USP13: variants seen among roughly 807,000 people sequenced by gnomAD.
USP13 encodes the protein ubiquitin specific peptidase 13, also known as ubiquitin carboxyl-terminal hydrolase 13.
Under a neutral mutation model 107.8 loss-of-function variants are expected in USP13, and 68 were observed. That is an observed-to-expected ratio of 0.63 (90% CI 0.52 to 0.77). The LOEUF (loss-of-function observed/expected upper bound fraction) is 0.77. Ranked by LOEUF, USP13 falls within the 30% of genes least tolerant of loss-of-function variation. USP13 has a pLI of 0.00. For synonymous variants in USP13, 377 were observed against 389.5 expected, an observed-to-expected ratio of 0.97 and a Z score of 0.38; for missense variants, 945 against 1,093.3, an observed-to-expected ratio of 0.86 and a Z score of 1.91.
chr3:179,769,739 A>G (rs1263789576), intron 19 of USP13, among the ~76,000 whole-genome samples: 3 of 152,168 alleles, frequency 2.0e-5, no homozygotes, highest in Admixed American at 6.5e-5. Context: ...GATGAATTCA[A>G]TTCACAGAAG....
At chr3:179,715,191 C>G (rs558199110) in intron 6 of USP13, among the ~76,000 whole-genome samples, 48 of 149,342 alleles carry the variant, frequency 3.2e-4, no homozygotes, top group African/African-American at 1.2e-3. Context: ...CCTGTTCTCT[C>G]TCTCTATTTT....
rs1720152752 is a variant in USP13, at chr3:179,653,514, T to C, written c.168+121T>C. The stretch of plus-strand genomic sequence containing the variant: ...TCTTCCTCCGGGCGGCAGAGTTGGC[T>C]CAGGAACACTGCAGTTCGGCAGACA... On this transcript the variant is annotated intron_variant, in intron 1 of 20. Coordinates refer to ENST00000263966, the MANE Select transcript of USP13 (RefSeq NM_003940.3). The surrounding 1 kb of genome is among the most constrained non-coding windows in gnomAD (Gnocchi z 4.0). The C allele has an allele frequency of 7.4e-7, 1 of 1,348,792 alleles. No homozygotes were observed. 83.6% of individuals were successfully genotyped at this position (1,348,792 alleles called of 1,614,324 possible).
rs1184226624 is a variant in USP13 at position 179,742,986 on chromosome 3, G to A, written c.1534+636G>A. Among the ~76,000 whole-genome samples the A allele has an allele frequency of 2.0e-5, 3 of 152,124 alleles. No individual in the cohort carries two copies. Among genetic ancestry groups the A allele is most frequent in the Non-Finnish European group, 2.9e-5 (2 of 68,010 alleles). The stretch of plus-strand genomic sequence containing the variant: ...AATGGCATTTCTTCGAATTAACATC[G>A]TAGAAGCAAAAAAGACAAAATAGCT... On this transcript the variant is annotated intron_variant, in intron 12 of 20. Coordinates refer to ENST00000263966, the MANE Select transcript of USP13 (RefSeq NM_003940.3). The surrounding 1 kb of genome is among the most constrained non-coding windows in gnomAD (Gnocchi z 5.0).
intron 6 of USP13, among the ~76,000 whole-genome samples, chr3:179,712,779 C>T (rs1712976503): frequency 6.6e-6 from 1 of 151,738 alleles, no homozygotes; most frequent in Non-Finnish European, 1.5e-5. Context: ...TACCAAGATT[C>T]TCTTTTAAAC....
intron 6 of USP13, 36 bp downstream of exon 6, chr3:179,708,993 T>C (rs373100334): frequency 1.1e-5 from 17 of 1,599,474 alleles, no homozygotes; most frequent in Non-Finnish European, 1.4e-5. Flanking sequence ...GAACATGCAG[T>C]GGCTTCCTCT....
intron 2 of USP13, among the ~76,000 whole-genome samples, chr3:179,688,553 T>C (rs1372724711): frequency 6.6e-6 from 1 of 152,180 alleles, no homozygotes; most frequent in East Asian, 1.9e-4. Flanking sequence ...TCAAACCTTG[T>C]TGATTTTGGT....
intron 6 of USP13, 126 bp from the exon 7 acceptor site, chr3:179,719,814 G>T (rs1212814027): frequency 5.4e-6 from 3 of 551,978 alleles, no homozygotes; most frequent in Non-Finnish European, 9.1e-6. Context: ...TTGAATGTTA[G>T]AAAGTTTTCG....
intron 3 of USP13, among the ~76,000 whole-genome samples, chr3:179,698,521 T>G: frequency 6.6e-6 from 1 of 151,842 alleles, no homozygotes. Context: ...ATTATATTTA[T>G]GCCAGGTAAG....
chr3:179,732,713 G>T (rs182715819), intron 10 of USP13, among the ~76,000 whole-genome samples: 1 of 151,464 alleles, frequency 6.6e-6, no homozygotes, highest in African/African-American at 2.4e-5. Flanking sequence ...AATAAAATTT[G>T]GTTTTGTTAA....
chr3:179,676,128 C>T (rs1720885929), intron 1 of USP13, among the ~76,000 whole-genome samples: 1 of 152,150 alleles, frequency 6.6e-6, no homozygotes, highest in African/African-American at 2.4e-5. Context: ...CTTCTCCTTC[C>T]AGCCGCCCTG....
chr3:179,682,325 A>AG (rs397797500), intron 2 of USP13, among the ~76,000 whole-genome samples: 1 of 151,718 alleles, frequency 6.6e-6, no homozygotes, highest in Admixed American at 6.6e-5. Context: ...ATAAAAAAAA[A>AG]CCATTTGAAT....
rs1711907603 is a variant in USP13, at chr3:179,687,376, C to T, written c.295-2865C>T. Among the ~76,000 whole-genome samples, 4 of 151,950 alleles carry T rather than the reference C, an allele frequency of 2.6e-5. No individual in the cohort carries two copies. In the South Asian group the frequency reaches 8.3e-4, roughly 32 times the overall value. ...CTCATTATCCTTAAAAGGACTAGTG[C>T]TGGCCAGGTGCGGTGGCTCACACCT... On this transcript the variant is annotated intron_variant, in intron 2 of 20. Transcript: ENST00000263966.
intron 19 of USP13, among the ~76,000 whole-genome samples, chr3:179,769,150 T>C (rs1276856727): frequency 6.6e-6 from 1 of 152,190 alleles, no homozygotes; most frequent in Non-Finnish European, 1.5e-5. Flanking sequence ...TGTGACTTGC[T>C]TTTCCTTTAA....
In USP13 at chr3:179,727,554, C is replaced by T. The variant is rs1237949049; in HGVS notation, c.1089-2635C>T. Among the ~76,000 whole-genome samples, 6 of 117,676 alleles carry T rather than the reference C, an allele frequency of 5.1e-5. 1 individual carries two copies. In the South Asian group the frequency reaches 1.8e-3, roughly 35 times the overall value. The allele number at this position is 117,676 out of a possible 152,430, so 77.2% of individuals were successfully genotyped here. On this transcript the variant is annotated intron_variant, in intron 8 of 20. Transcript: ENST00000263966. ...AGTACAGAACAAAATGAAAAGTCTC[C>T]CACGTCTACCTCTTTCTACACAGAC...
chr3:179,671,612 C>G (rs1046417008), intron 1 of USP13, among the ~76,000 whole-genome samples: 21 of 152,168 alleles, frequency 1.4e-4, no homozygotes, highest in African/African-American at 5.1e-4. Flanking sequence ...TACTCATCCA[C>G]AAGTCAATTT....
intron 1 of USP13, among the ~76,000 whole-genome samples, chr3:179,661,401 T>A (rs1720452865): frequency 6.6e-6 from 1 of 152,216 alleles, no homozygotes; most frequent in African/African-American, 2.4e-5. Flanking sequence ...AGAGTTTGAT[T>A]GACACTTTTT....
intron 1 of USP13, among the ~76,000 whole-genome samples, chr3:179,659,808 G>A (rs1037615962): frequency 2.6e-5 from 4 of 152,182 alleles, no homozygotes; most frequent in African/African-American, 4.8e-5. Context: ...GGAGGCTGAG[G>A]TGGGTGGATC....
chr3:179,686,596 A>G (rs764489412), intron 2 of USP13, among the ~76,000 whole-genome samples: 3 of 151,976 alleles, frequency 2.0e-5, no homozygotes, highest in African/African-American at 7.2e-5. Flanking sequence ...AACAAAACCA[A>G]CGCCACACAA....
At chr3:179,710,282 G>T (rs904891345) in intron 6 of USP13, among the ~76,000 whole-genome samples, 1 of 152,188 alleles carries the variant, frequency 6.6e-6, no homozygotes, top group Admixed American at 6.5e-5. Flanking sequence ...ATGAGTGGGT[G>T]TTGAATGACT....
Sources: gnomAD v4.1 joint callset for allele counts (sites outside exome capture counted in the v4.1 genomes callset) on GRCh38, gnomAD v4.1.1 for gene constraint, Gnocchi (gnomAD v3.1) non-coding constraint, MANE v1.5 for transcripts, NCBI Gene and HGNC (gene_info 2026-07-23, HGNC 2026-07-21) for gene names.